The following NKD2 variants were observed in gnomAD, a reference collection of about 807,000 sequenced individuals.
The protein encoded by NKD2 is protein naked cuticle homolog 2.
In NKD2, 43 loss-of-function variants were observed where a neutral mutation model predicts 34.8. The observed-to-expected ratio is 1.24, with a 90% CI of 0.97 to 1.60. The LOEUF (loss-of-function observed/expected upper bound fraction) is 1.60, where lower values mean the gene tolerates loss of function less well. Among genes scored for constraint, NKD2 ranks in the 40% most tolerant of loss-of-function variants. NKD2 has a pLI of 0.00. For missense variants in NKD2, 675 were observed against 627.1 expected, an observed-to-expected ratio of 1.08 and a Z score of -0.82; for synonymous variants, 278 against 265.1, an observed-to-expected ratio of 1.05 and a Z score of -0.47.
At chr5:1,029,503 CCTT>C (rs1163318620) in intron 3 of NKD2, among the ~76,000 whole-genome samples, 1 of 152,220 alleles carries the variant, frequency 6.6e-6, no homozygotes, top group Non-Finnish European at 1.5e-5. Flanking sequence ...CTGCGCCCCT[CCTT>C]CTGTCACCCT....
At chr5:1,028,783 A>AG (rs1456277135) in intron 3 of NKD2, among the ~76,000 whole-genome samples, 5 of 90,300 alleles carry the variant, frequency 5.5e-5, no homozygotes, top group African/African-American at 9.3e-5. Flanking sequence ...AGAGGGATTG[A>AG]GGGGGAGGGT....
At chr5:1,016,146 C>G (rs1001801713) in intron 3 of NKD2, among the ~76,000 whole-genome samples, 1 of 152,260 alleles carries the variant, frequency 6.6e-6, no homozygotes, top group African/African-American at 2.4e-5. Context: ...GCTCGTGGTG[C>G]TGGCCTGGAG....
intron 6 of NKD2, among the ~76,000 whole-genome samples, chr5:1,034,536 C>G (rs914827503): frequency 6.6e-6 from 1 of 152,184 alleles, no homozygotes; most frequent in Non-Finnish European, 1.5e-5. Flanking sequence ...GCTGTGCTTC[C>G]CACACTGCAA....
At position 1,008,938 on chromosome 5, in the gene NKD2, C is replaced by T. The variant is rs1755632071; in HGVS notation, c.-120C>T. On this transcript the variant is annotated 5_prime_UTR_variant, in exon 1 of 10. Coordinates refer to ENST00000296849, the MANE Select transcript of NKD2 (RefSeq NM_033120.4). ...CGCGCGGCGTGGAGCCATCTTCCCT[C>T]ACCTCCTACCGGCACCCTAGCTTGC... 1 of 392,900 alleles carries T rather than the reference C, an allele frequency of 2.5e-6. No individual in the cohort carries two copies. Among genetic ancestry groups the T allele is most frequent in the Non-Finnish European group, 4.5e-6 (1 of 223,300 alleles). 24.3% of individuals were successfully genotyped at this position (392,900 alleles called of 1,614,324 possible).
chr5:1,009,638 T>G lies in NKD2; in HGVS notation c.141+78T>G. The G allele has an allele frequency of 8.3e-7, 1 of 1,203,140 alleles. No homozygotes were observed. Among genetic ancestry groups the G allele is most frequent in the Non-Finnish European group, 1.1e-6 (1 of 922,934 alleles). 74.5% of individuals were successfully genotyped at this position (1,203,140 alleles called of 1,614,324 possible). A position where few individuals can be genotyped will look rare whatever the true frequency, so the allele number is the denominator to read the frequency against. On this transcript the variant is annotated intron_variant, in intron 3 of 9. Coordinates refer to ENST00000296849, the MANE Select transcript of NKD2 (RefSeq NM_033120.4). The surrounding 1 kb of genome is among the most constrained non-coding windows in gnomAD (Gnocchi z 6.9). Reference sequence around the variant, plus strand: ...GGAGCGGTGTCAGAGCTGTTCCTGGTGCCCGCCCGCGGACAGGCGAGACGT... The same window carrying G: ...GGAGCGGTGTCAGAGCTGTTCCTGGGGCCCGCCCGCGGACAGGCGAGACGT...
intron 3 of NKD2, among the ~76,000 whole-genome samples, chr5:1,030,671 G>A (rs76854554): frequency 2.0e-5 from 3 of 152,322 alleles, no homozygotes; most frequent in South Asian, 2.1e-4. Context: ...CAAAGGCCTC[G>A]CCGGGCTGGG....
Position 1,009,471 on chromosome 5 carries a change from C to G in NKD2, c.62-10C>G, listed in dbSNP as rs1035667922. 4 of 1,494,492 alleles carry G rather than the reference C, an allele frequency of 2.7e-6. No homozygotes were observed. Among genetic ancestry groups the G allele is most frequent in the East Asian group, 2.8e-5 (1 of 35,546 alleles). 92.6% of individuals were successfully genotyped at this position (1,494,492 alleles called of 1,614,324 possible). A position where few individuals can be genotyped will look rare whatever the true frequency, so the allele number is the denominator to read the frequency against. ...TGCGGGTTTCCCGCGCGTCCGCCCC[C>G]GGACCGCAGGGGACAGCTTCGTGGC... On this transcript the variant is annotated splice_polypyrimidine_tract_variant and intron_variant, in intron 2 of 9. Transcript: ENST00000296849. The surrounding 1 kb of genome is among the most constrained non-coding windows in gnomAD (Gnocchi z 6.9).
intron 9 of NKD2, among the ~76,000 whole-genome samples, chr5:1,037,154 C>T (rs971929317): frequency 6.6e-6 from 1 of 152,152 alleles, no homozygotes; most frequent in African/African-American, 2.4e-5. Context: ...CTGCCCAGCA[C>T]ACGTTTATTT....
intron 3 of NKD2, among the ~76,000 whole-genome samples, chr5:1,029,227 C>T (rs1036498191): frequency 3.9e-5 from 6 of 152,154 alleles, no homozygotes; most frequent in South Asian, 2.1e-4. Flanking sequence ...AAACACTGTG[C>T]GTTCGAGCGC....
chr5:1,030,683 T>C (rs1230000646), intron 3 of NKD2, among the ~76,000 whole-genome samples: 3 of 152,166 alleles, frequency 2.0e-5, no homozygotes, highest in Non-Finnish European at 2.9e-5. Context: ...CGGGCTGGGC[T>C]CATGGGGCCC....
intron 8 of NKD2, 191 bp from the exon 9 acceptor site, chr5:1,036,066 T>C (rs1294906205): frequency 6.9e-6 from 9 of 1,308,942 alleles, no homozygotes; most frequent in Non-Finnish European, 8.8e-6. Context: ...GGGGGTCGGC[T>C]GTGACCTTGT....
intron 6 of NKD2, 59 bp downstream of exon 6, chr5:1,034,389 T>G (rs1733718048): frequency 7.2e-7 from 1 of 1,398,346 alleles, no homozygotes. Context: ...GCAGACAGAC[T>G]GTGCTGGCCT....
At position 1,036,172 on chromosome 5, in the gene NKD2, C is replaced by T. The variant is rs1579277286; in HGVS notation, c.660-85C>T. On this transcript the variant is annotated intron_variant, in intron 8 of 9. Coordinates refer to ENST00000296849, the MANE Select transcript of NKD2 (RefSeq NM_033120.4). ...GCTGGTCAGGATGCACCCCGGACCC[C>T]TGCCGCCTGCTGTAGGCACCCCGTC... The T allele has an allele frequency of 2.9e-5, 41 of 1,427,118 alleles. No individual in the cohort carries two copies. In the East Asian group the frequency reaches 1.1e-3, roughly 37 times the overall value. 88.4% of individuals were successfully genotyped at this position (1,427,118 alleles called of 1,614,324 possible). A position where few individuals can be genotyped will look rare whatever the true frequency, so the allele number is the denominator to read the frequency against.
intron 3 of NKD2, among the ~76,000 whole-genome samples, chr5:1,014,936 A>G (rs774444167): frequency 2.0e-5 from 3 of 152,192 alleles, no homozygotes; most frequent in African/African-American, 4.8e-5. Flanking sequence ...GTGGCTTGAC[A>G]GCCTCTGGAC....
intron 3 of NKD2, among the ~76,000 whole-genome samples, chr5:1,021,760 C>G (rs910669384): frequency 6.6e-6 from 1 of 152,114 alleles, no homozygotes. Flanking sequence ...AAAACACTCT[C>G]TTCCGCAGAC....
intron 3 of NKD2, among the ~76,000 whole-genome samples, chr5:1,020,394 A>T (rs1390036494): frequency 3.3e-5 from 5 of 152,156 alleles, no homozygotes; most frequent in Non-Finnish European, 5.9e-5. Context: ...TGAGCTGAAG[A>T]CATTTCATTT....
rs1277060714 is a variant in NKD2 at position 1,037,791 on chromosome 5, ACCTGTGTCCGCAGGGTCCCCT to A, written c.788-7_801del. 3 of 1,563,356 alleles carry A rather than the reference ACCTGTGTCCGCAGGGTCCCCT, an allele frequency of 1.9e-6. No homozygotes were observed. The highest frequency in any genetic ancestry group is 2.6e-6 in the Non-Finnish European group (3 of 1,158,548). The stretch of plus-strand genomic sequence containing the variant: ...TGCACTCCCAGGGCCTCACACTCTG[ACCTGTGTCCGCAGGGTCCCCT>A]CCTGTGCAAGCAAAGCAGGAGCCCC... On this transcript the variant is annotated splice_acceptor_variant and splice_polypyrimidine_tract_variant and coding_sequence_variant and intron_variant, in exon 10 of 10. Transcript: ENST00000296849. LOFTEE classifies it high-confidence loss of function.
chr5:1,010,290 T>C (rs544652084), intron 3 of NKD2, among the ~76,000 whole-genome samples: 2 of 152,310 alleles, frequency 1.3e-5, no homozygotes, highest in South Asian at 4.1e-4. Context: ...TGGTCATCAG[T>C]GTCAGTGTGA....
intron 3 of NKD2, among the ~76,000 whole-genome samples, chr5:1,029,482 G>A (rs1188652435): frequency 6.6e-6 from 1 of 152,200 alleles, no homozygotes; most frequent in Admixed American, 6.5e-5. Flanking sequence ...TGCAGATTCT[G>A]TCTTGAACAG....
Sources: allele counts gnomAD v4.1 joint callset (sites outside exome capture counted in the v4.1 genomes callset), GRCh38; gene constraint gnomAD v4.1.1; non-coding constraint Gnocchi (gnomAD v3.1); transcripts MANE v1.5; gene names NCBI Gene and HGNC (gene_info 2026-07-23, HGNC 2026-07-21).